Variants in IL6R observed in about 807,000 individuals in gnomAD.
The protein encoded by IL6R is interleukin-6 receptor subunit alpha.
Under a neutral mutation model 48.3 loss-of-function variants are expected in IL6R, and 38 were observed. The observed-to-expected ratio is 0.79, with a 90% CI of 0.61 to 1.03. The LOEUF (loss-of-function observed/expected upper bound fraction) is 1.03, where lower values mean the gene tolerates loss of function less well. Ranked by LOEUF, IL6R falls within the 50% of genes least tolerant of loss-of-function variation. The pLI is 0.00. For synonymous variants in IL6R, 264 were observed against 256.2 expected (o/e 1.03, Z -0.29); for missense variants, 534 against 618.3 (o/e 0.86, Z 1.45).
chr1:154,424,424 G>A (rs1052811317), intron 1 of IL6R, among the ~76,000 whole-genome samples: 5 of 152,188 alleles, frequency 3.3e-5, no homozygotes, highest in African/African-American at 1.2e-4. Flanking sequence ...TCCTGCACTT[G>A]TGTCTGTTGC....
intron 1 of IL6R, among the ~76,000 whole-genome samples, chr1:154,416,984 C>G (rs1307628390): frequency 6.6e-6 from 1 of 152,160 alleles, no homozygotes; most frequent in African/African-American, 2.4e-5. Context: ...CACGTGACTT[C>G]TTAAATCTTC....
intron 6 of IL6R, among the ~76,000 whole-genome samples, 163 bp downstream of exon 6, chr1:154,436,273 C>T (rs1198530453): frequency 6.6e-6 from 1 of 151,962 alleles, no homozygotes; most frequent in Non-Finnish European, 1.5e-5. Context: ...GGTGGATTGC[C>T]TGAGGTCAGC....
intron 9 of IL6R, among the ~76,000 whole-genome samples, chr1:154,456,970 T>C (rs922105641): frequency 4.6e-5 from 7 of 151,996 alleles, no homozygotes; most frequent in Admixed American, 3.3e-4. Flanking sequence ...GGTGTTGGAA[T>C]TACAACATGA....
chr1:154,439,950 T>C (rs1689841016), intron 6 of IL6R, among the ~76,000 whole-genome samples: 1 of 152,144 alleles, frequency 6.6e-6, no homozygotes, highest in Non-Finnish European at 1.5e-5. Flanking sequence ...CCACCCAGGC[T>C]GGAGTGCACT....
At chr1:154,427,139 C>T (rs1388037301) in intron 1 of IL6R, among the ~76,000 whole-genome samples, 1 of 152,016 alleles carries the variant, frequency 6.6e-6, no homozygotes, top group Non-Finnish European at 1.5e-5. Context: ...AGGATGGTCT[C>T]GATCTCTTGA....
chr1:154,457,089 G>A (rs551267071), intron 9 of IL6R, among the ~76,000 whole-genome samples: 3 of 152,036 alleles, frequency 2.0e-5, no homozygotes, highest in South Asian at 2.1e-4. Flanking sequence ...TTGGGAGGCC[G>A]AGGCAGGTGG....
At chr1:154,452,860 C>G (rs576861181) in intron 8 of IL6R, among the ~76,000 whole-genome samples, 246 of 151,612 alleles carry the variant, frequency 1.6e-3, no homozygotes, top group Non-Finnish European at 2.7e-3. Context: ...GATGTAAGAT[C>G]CATTTAGATA....
chr1:154,434,895 C>A, intron 4 of IL6R, 95 bp from the exon 5 acceptor site: 1 of 1,375,448 alleles, frequency 7.3e-7, no homozygotes, highest in Non-Finnish European at 1.0e-6. Flanking sequence ...GTGAACGGGG[C>A]TGGGTGGGGC....
chr1:154,447,186 C>T (rs1237233669), intron 6 of IL6R, among the ~76,000 whole-genome samples: 2 of 151,474 alleles, frequency 1.3e-5, no homozygotes, highest in Non-Finnish European at 2.9e-5. Flanking sequence ...TGCCTGTAAT[C>T]CTAGCACTTT....
At chr1:154,442,586 C>T (rs982185307) in intron 6 of IL6R, among the ~76,000 whole-genome samples, 18 of 152,282 alleles carry the variant, frequency 1.2e-4, no homozygotes, top group African/African-American at 1.7e-4. Flanking sequence ...CCTGGCCCCC[C>T]GCACAGACTG....
chr1:154,435,501 T>C (rs1161092959), intron 5 of IL6R, among the ~76,000 whole-genome samples: 2 of 112,366 alleles, frequency 1.8e-5, no homozygotes, highest in African/African-American at 7.0e-5. Flanking sequence ...AGAGTTAGAC[T>C]CCATGTCAAA....
intron 3 of IL6R, among the ~76,000 whole-genome samples, chr1:154,432,974 CCTT>C (rs1689388883): frequency 6.6e-6 from 1 of 152,236 alleles, no homozygotes; most frequent in African/African-American, 2.4e-5. Flanking sequence ...ACTGCTCCCT[CCTT>C]CTTCCACAGG....
At chr1:154,429,134 C>G (rs1005251336) in intron 1 of IL6R, 62 bp from the exon 2 acceptor site, 1 of 1,560,896 alleles carries the variant, frequency 6.4e-7, no homozygotes, top group East Asian at 2.3e-5. Context: ...CTTCCTCAGA[C>G]CAGAACGAAG....
At chr1:154,459,770 G>A (rs760262583) in intron 9 of IL6R, among the ~76,000 whole-genome samples, 10 of 151,902 alleles carry the variant, frequency 6.6e-5, no homozygotes, top group Non-Finnish European at 1.2e-4. Context: ...CTGTATTTTA[G>A]GTTATCAGGC....
chr1:154,405,568 G>A lies in IL6R; in HGVS notation c.-62G>A. ...CCGCCCCGCCCCTGCCACCCCTGCC[G>A]CCCGGTTCCCATTAGCCTGTCCGCC... On this transcript the variant is annotated 5_prime_UTR_variant, in exon 1 of 10. Coordinates refer to ENST00000368485, the MANE Select transcript of IL6R (RefSeq NM_000565.4). The surrounding 1 kb of genome is among the most constrained non-coding windows in gnomAD (Gnocchi z 5.2). 1.1e-5 allele frequency: 5 copies of A among 460,038 alleles called. No individual in the cohort carries two copies. Among genetic ancestry groups the A allele is most frequent in the South Asian group, 3.9e-5 (1 of 25,450 alleles). The allele number at this position is 460,038 out of a possible 1,614,324, so 28.5% of individuals were successfully genotyped here.
chr1:154,438,595 G>C (rs150615301), intron 6 of IL6R, among the ~76,000 whole-genome samples: 1 of 152,082 alleles, frequency 6.6e-6, no homozygotes, highest in South Asian at 2.1e-4. Flanking sequence ...GTCCCATCCC[G>C]ACCCCTGCCA....
intron 1 of IL6R, among the ~76,000 whole-genome samples, chr1:154,418,986 GA>G (rs989547200): frequency 1.3e-5 from 2 of 152,132 alleles, no homozygotes; most frequent in East Asian, 3.9e-4. Context: ...GAAATTGGGA[GA>G]GGGGGAGAGA....
chr1:154,419,842 AAGT>A (rs1451107046), intron 1 of IL6R, among the ~76,000 whole-genome samples: 1 of 152,132 alleles, frequency 6.6e-6, no homozygotes, highest in Non-Finnish European at 1.5e-5. Context: ...GAGGGGGAAA[AAGT>A]AGAAAAACAA....
chr1:154,412,963 A>AT (rs1688116604), intron 1 of IL6R, among the ~76,000 whole-genome samples: 1 of 118,214 alleles, frequency 8.5e-6, no homozygotes, highest in Non-Finnish European at 1.8e-5. Context: ...TTTTTTTTGT[A>AT]TTTCATTATA....
Sources: allele counts gnomAD v4.1 joint callset (sites outside exome capture counted in the v4.1 genomes callset), GRCh38; gene constraint gnomAD v4.1.1; non-coding constraint Gnocchi (gnomAD v3.1); transcripts MANE v1.5; gene names NCBI Gene and HGNC (gene_info 2026-07-23, HGNC 2026-07-21).